Variants in USP49 observed in about 807,000 individuals in gnomAD.
USP49 encodes ubiquitin carboxyl-terminal hydrolase 49.
USP49 carries 24 observed loss-of-function variants against 58.6 expected under a neutral mutation model. The observed-to-expected ratio is 0.41, with a 90% CI of 0.30 to 0.58. The LOEUF (loss-of-function observed/expected upper bound fraction) is 0.58. USP49 is among the 20% of genes least tolerant of loss of function. The pLI, the probability that USP49 is intolerant of heterozygous loss-of-function variation, is 0.30. For synonymous variants in USP49, 408 were observed against 365.1 expected (o/e 1.12, Z -1.34); for missense variants, 703 against 866.1 (o/e 0.81, Z 2.36).
chr6:41,809,731 G>A lies in USP49; in HGVS notation c.-28-2720C>T, dbSNP rs1257486138. Among the ~76,000 whole-genome samples, 4 of 152,246 alleles carry A rather than the reference G, an allele frequency of 2.6e-5. No individual in the cohort carries two copies. In the East Asian group the frequency reaches 5.8e-4, roughly 22 times the overall value. ...GTCCCAACCTACTCAGGAGGCTGAG[G>A]CAGGAGAATGGCGTGAACCCGGGAG... On this transcript the variant is annotated intron_variant, in intron 3 of 7. Transcript: ENST00000682992.
At chr6:41,797,649 T>C (rs1772909146) in intron 7 of USP49, 4 of 985,844 alleles carry the variant, frequency 4.1e-6, no homozygotes, top group Non-Finnish European at 4.8e-6. Flanking sequence ...GCTCAGTAAA[T>C]GTTCTCGGCT....
At chr6:41,810,465 G>A (rs1773236862) in intron 3 of USP49, among the ~76,000 whole-genome samples, 1 of 150,998 alleles carries the variant, frequency 6.6e-6, no homozygotes, top group Admixed American at 6.6e-5. Context: ...CTCCAGCCTG[G>A]GGGACAAGAG....
intron 5 of USP49, among the ~76,000 whole-genome samples, chr6:41,802,091 G>C (rs1773009130): frequency 6.6e-6 from 1 of 151,522 alleles, no homozygotes. Context: ...ATCTCAAAAT[G>C]GAACAGGATA....
intron 5 of USP49, among the ~76,000 whole-genome samples, chr6:41,802,832 TA>T (rs1046708881): frequency 6.6e-5 from 10 of 152,164 alleles, no homozygotes; most frequent in African/African-American, 2.2e-4. Flanking sequence ...CATGCCTCTG[TA>T]ACCATATGTA....
intron 3 of USP49, among the ~76,000 whole-genome samples, chr6:41,862,762 A>C (rs1328827429): frequency 6.6e-6 from 1 of 152,082 alleles, no homozygotes; most frequent in East Asian, 1.9e-4. Flanking sequence ...ATTCACACTT[A>C]ATATTTATTT....
intron 3 of USP49, among the ~76,000 whole-genome samples, chr6:41,839,719 T>C (rs770804111): frequency 9.9e-5 from 15 of 152,016 alleles, no homozygotes; most frequent in Non-Finnish European, 1.8e-4. Flanking sequence ...GTGGAGACGA[T>C]TACTCTAAGT....
intron 1 of USP49, among the ~76,000 whole-genome samples, chr6:41,893,625 T>C (rs548687969): frequency 6.6e-6 from 1 of 152,174 alleles, no homozygotes; most frequent in South Asian, 2.1e-4. Context: ...ACAACACTAG[T>C]GAAATGCAGA....
At chr6:41,802,458 TTATTTATTTA>T (rs1294809403) in intron 5 of USP49, among the ~76,000 whole-genome samples, 4 of 84,072 alleles carry the variant, frequency 4.8e-5, no homozygotes, top group Non-Finnish European at 6.8e-5. Context: ...ATTTATTTAT[TTATTTATTTA>T]TTTTTTATTT....
chr6:41,829,514 T>C (rs1773599847), intron 3 of USP49, among the ~76,000 whole-genome samples: 1 of 152,222 alleles, frequency 6.6e-6, no homozygotes, highest in African/African-American at 2.4e-5. Context: ...GGTTTCTCCA[T>C]GTTGGTCAGG....
chr6:41,852,092 G>A (rs376649494), intron 3 of USP49, among the ~76,000 whole-genome samples: 3 of 152,140 alleles, frequency 2.0e-5, no homozygotes, highest in South Asian at 4.1e-4. Flanking sequence ...TTGGGTGGAC[G>A]AGGAGGGCGG....
Position 41,806,899 on chromosome 6 carries a change from ACT to A in USP49, c.83_84del (p.Glu28ValfsTer23). The A allele has an allele frequency of 6.2e-7, 1 of 1,613,362 alleles. No individual in the cohort carries two copies. The highest frequency in any genetic ancestry group is 8.5e-7 in the Non-Finnish European group (1 of 1,179,874). On this transcript the variant is annotated frameshift_variant, in exon 4 of 8. Transcript: ENST00000682992. LOFTEE classifies it high-confidence loss of function. This position sits in a 1 kb window ranked among gnomAD's most constrained non-coding sequence, Gnocchi z 5.9. ...GCCCACACGGACTCGGTGGTGGCAC[ACT>A]CTAAGCAGCACCACTTCTGAGGGTT... Reference protein sequence around the residue: ...ILNPQKWCCLECATTESVWAC... With the variant: ...ILNPQKWCCLXCATTESVWAC...
intron 3 of USP49, among the ~76,000 whole-genome samples, chr6:41,849,468 G>A (rs1773982602): frequency 6.6e-6 from 1 of 152,112 alleles, no homozygotes; most frequent in South Asian, 2.1e-4. Context: ...CATATATAGA[G>A]AACTCTACCT....
chr6:41,805,293 A>C (rs1773089368), intron 4 of USP49, among the ~76,000 whole-genome samples: 1 of 152,174 alleles, frequency 6.6e-6, no homozygotes, highest in Non-Finnish European at 1.5e-5. Context: ...GTTCCCTCAA[A>C]TTGATCAAAG....
At chr6:41,851,192 A>G (rs576625291) in intron 3 of USP49, among the ~76,000 whole-genome samples, 6 of 152,350 alleles carry the variant, frequency 3.9e-5, no homozygotes, top group African/African-American at 1.2e-4. Flanking sequence ...TCAAGAAAAG[A>G]TAACTACAGA....
intron 3 of USP49, among the ~76,000 whole-genome samples, chr6:41,834,479 C>A (rs1258350802): frequency 6.6e-6 from 1 of 152,176 alleles, no homozygotes; most frequent in African/African-American, 2.4e-5. Context: ...TGTGTCCCCA[C>A]CAAATCTCAT....
chr6:41,821,515 G>A (rs981884403), intron 3 of USP49, among the ~76,000 whole-genome samples: 7 of 152,232 alleles, frequency 4.6e-5, no homozygotes, highest in Non-Finnish European at 7.3e-5. Flanking sequence ...GCTCACGCCT[G>A]TAATCCTAGT....
intron 3 of USP49, among the ~76,000 whole-genome samples, chr6:41,818,361 GCACACACACATGCA>G (rs990083042): frequency 1.3e-5 from 2 of 151,858 alleles, no homozygotes; most frequent in African/African-American, 4.8e-5. Flanking sequence ...ACACACATGC[GCACACACACATGCA>G]CAGTCTTAGA....
intron 3 of USP49, among the ~76,000 whole-genome samples, chr6:41,844,556 G>T (rs541737570): frequency 6.6e-6 from 1 of 152,040 alleles, no homozygotes; most frequent in East Asian, 2.0e-4. Flanking sequence ...CTCATGATCC[G>T]CCTGTCTTGG....
At chr6:41,859,819 T>A (rs1172194779) in intron 3 of USP49, among the ~76,000 whole-genome samples, 1 of 152,136 alleles carries the variant, frequency 6.6e-6, no homozygotes, top group Non-Finnish European at 1.5e-5. Flanking sequence ...TAAACTACTA[T>A]GAAAGGGTGC....
Sources: allele counts gnomAD v4.1 joint callset (sites outside exome capture counted in the v4.1 genomes callset), GRCh38; gene constraint gnomAD v4.1.1; non-coding constraint Gnocchi (gnomAD v3.1); transcripts MANE v1.5; gene names NCBI Gene and HGNC (gene_info 2026-07-23, HGNC 2026-07-21).